The following SPEG variants were observed in gnomAD, a reference collection of about 807,000 sequenced individuals.
SPEG encodes striated muscle enriched protein kinase.
In SPEG, 114 loss-of-function variants were observed where a neutral mutation model predicts 300.4. The ratio of observed to expected loss-of-function variants is 0.38; its 90% confidence interval spans 0.33 to 0.44. The LOEUF (loss-of-function observed/expected upper bound fraction) is 0.44, where lower values mean the gene tolerates loss of function less well. Ranked by LOEUF, SPEG falls within the 20% of genes least tolerant of loss-of-function variation. The probability of loss-of-function intolerance (pLI) is 1.00; values close to 1 mark genes in which losing one functional copy is unlikely to be tolerated. For missense variants in SPEG, 4,201 were observed against 4,586.2 expected (o/e 0.92, Z 2.43); for synonymous variants, 1,964 against 2,018.9 (o/e 0.97, Z 0.73).
chr2:219,467,987 A>G (rs1691525076), intron 10 of SPEG, among the ~76,000 whole-genome samples: 1 of 152,204 alleles, frequency 6.6e-6, no homozygotes, highest in Non-Finnish European at 1.5e-5. Flanking sequence ...CCCACATGGA[A>G]GGGCAGAGAT....
intron 1 of SPEG, among the ~76,000 whole-genome samples, chr2:219,440,199 A>G (rs1307728505): frequency 6.6e-6 from 1 of 152,112 alleles, no homozygotes; most frequent in African/African-American, 2.4e-5. Flanking sequence ...CTTGTGTAAG[A>G]TAATAAGACT....
chr2:219,441,466 G>T (rs1166002063), intron 1 of SPEG: 8 of 466,668 alleles, frequency 1.7e-5, no homozygotes, highest in African/African-American at 4.0e-5. Flanking sequence ...GTTTGACCTA[G>T]GCGCCCCCAC....
At chr2:219,449,837 C>G (rs374488204) in intron 4 of SPEG, among the ~76,000 whole-genome samples, 2 of 152,158 alleles carry the variant, frequency 1.3e-5, no homozygotes, top group South Asian at 4.1e-4. Flanking sequence ...GCTTACACCC[C>G]GCATGGCTGA....
At chr2:219,466,474 G>C (rs969851211) in intron 9 of SPEG, 97 of 1,176,448 alleles carry the variant, frequency 8.2e-5, no homozygotes, top group Non-Finnish European at 8.1e-5. Flanking sequence ...AGCTGAGGTG[G>C]GGTGAGACAG....
rs1164658972 is a variant in SPEG at position 219,448,996 on chromosome 2, C to A, written c.1838C>A (p.Pro613His). The stretch of plus-strand genomic sequence containing the variant: ...CAGGAGTGCAGGAGCCCTGTGCCGC[C>A]CCCCGCCGCCGATCCCCCAGAGGCC... The part of the protein sequence containing the change: ...AIQECRSPVP[P>H]PAADPPEART... The change falls in exon 4 of 41, where the codon CCC becomes CAC. Residue 613 changes from proline (P) to histidine (H), a missense_variant. This residue lies in a region of SPEG where 1,258 missense variants were observed against 1,293.9 expected (regional missense o/e 0.97). Coordinates refer to ENST00000312358, the MANE Select transcript of SPEG (RefSeq NM_005876.5). The A allele has an allele frequency of 6.7e-7, 1 of 1,483,342 alleles. No homozygotes were observed. The highest frequency in any genetic ancestry group is 2.5e-5 in the Admixed American group (1 of 40,510). 91.9% of individuals were successfully genotyped at this position (1,483,342 alleles called of 1,614,324 possible).
At position 219,493,228 on chromosome 2, in the gene SPEG, G is replaced by C. The variant is rs967456556; in HGVS notation, c.*442G>C. ...AGGCTGGGAGTCAGTGTGGCAAAGC[G>C]GGGGCAGGACACAGATACAGTGGCA... On this transcript the variant is annotated 3_prime_UTR_variant, in exon 41 of 41. Coordinates refer to ENST00000312358, the MANE Select transcript of SPEG (RefSeq NM_005876.5). 4 of 368,438 alleles carry C rather than the reference G, an allele frequency of 1.1e-5. No homozygotes were observed. In the Admixed American group the frequency reaches 1.1e-4, roughly 10 times the overall value. 22.8% of individuals were successfully genotyped at this position (368,438 alleles called of 1,614,324 possible).
intron 31 of SPEG, 116 bp downstream of exon 31, chr2:219,485,593 G>GGTCT: frequency 9.5e-7 from 1 of 1,052,778 alleles, no homozygotes; most frequent in East Asian, 2.8e-5. Flanking sequence ...TAGTGGAAGG[G>GGTCT]GTCTGCTCAG....
chr2:219,483,850 C>G lies in SPEG; in HGVS notation c.6387C>G (p.Ser2129Arg). 1 of 1,591,272 alleles carries G rather than the reference C, an allele frequency of 6.3e-7. No homozygotes were observed. The highest frequency in any genetic ancestry group is 1.1e-5 in the South Asian group (1 of 89,792). Residue 2129 changes from serine (S) to arginine (R), a missense_variant, in exon 30 of 41, where the codon AGC (serine) becomes AGG (arginine). By Grantham distance (110) the Ser-to-Arg change is moderately radical. Coordinates refer to ENST00000312358, the MANE Select transcript of SPEG (RefSeq NM_005876.5). ...AGAACCGGGGCCTGCAAAAGAGCAG[C>G]AGCTTCTCCCAGGGTGAGGCGGAGC... ...PLENRGLQKS[S>R]SFSQGEAEPR... is the part of the protein sequence containing the mutation.
Position 219,438,900 on chromosome 2 carries a change from T to C in SPEG, c.388+3535T>C, listed in dbSNP as rs1444046839. Among the ~76,000 whole-genome samples, 8 of 152,220 alleles carry C rather than the reference T, an allele frequency of 5.3e-5. No homozygotes were observed. The East Asian group carries it at 1.5e-3, about 29-fold the overall frequency. On this transcript the variant is annotated intron_variant, in intron 1 of 40. Coordinates refer to ENST00000312358, the MANE Select transcript of SPEG (RefSeq NM_005876.5). ...AAGGGTAGAGGAATGTACCAGAACC[T>C]GTGTTGAGGAATATTCTGCAGTTAT...
rs1690427554 is a variant in SPEG at position 219,459,101 on chromosome 2, T to C, written c.2441-2781T>C. Reference sequence around the variant, plus strand: ...ACGCCAGTATTTTCATCAAATGAGTTTGACCTGAGAGTGATGTTGAAAGGG... The same window carrying C: ...ACGCCAGTATTTTCATCAAATGAGTCTGACCTGAGAGTGATGTTGAAAGGG... On this transcript the variant is annotated intron_variant, in intron 6 of 40. Coordinates refer to ENST00000312358, the MANE Select transcript of SPEG (RefSeq NM_005876.5). This position sits in a 1 kb window ranked among gnomAD's most constrained non-coding sequence, Gnocchi z 4.9. Among the ~76,000 whole-genome samples, 1 of 152,212 alleles carries C rather than the reference T, an allele frequency of 6.6e-6. No individual in the cohort carries two copies. The highest frequency in any genetic ancestry group is 2.1e-4 in the South Asian group (1 of 4,836).
chr2:219,442,206 C>G, intron 1 of SPEG: 1 of 565,496 alleles, frequency 1.8e-6, no homozygotes, highest in Non-Finnish European at 2.5e-6. Context: ...CTGCCCCACC[C>G]GAGCCCCGCC....
At chr2:219,472,049 G>C in intron 14 of SPEG, 62 bp downstream of exon 14, 1 of 1,594,404 alleles carries the variant, frequency 6.3e-7, no homozygotes. Context: ...CTACGTGGGG[G>C]CTCAGGGAAA....
At chr2:219,466,098 C>T in intron 9 of SPEG, 1 of 1,592,908 alleles carries the variant, frequency 6.3e-7, no homozygotes, top group Non-Finnish European at 8.5e-7. Context: ...CCCCGCTACC[C>T]TCCGAGCCGC....
Position 219,468,570 on chromosome 2 carries a change from C to T in SPEG, c.3143-8C>T, listed in dbSNP as rs1691587026. 6.2e-7 allele frequency: 1 copy of T among 1,610,890 alleles called. No homozygotes were observed. The highest frequency in any genetic ancestry group is 1.1e-5 in the South Asian group (1 of 90,944). On this transcript the variant is annotated splice_region_variant and splice_polypyrimidine_tract_variant and intron_variant, in intron 10 of 40. Coordinates refer to ENST00000312358, the MANE Select transcript of SPEG (RefSeq NM_005876.5). ...TTCCCTATCTCTGAGCTGCCCCCTG[C>T]CCCACAGATGAGCTGACCTGCAGTG... is the stretch of plus-strand genomic sequence containing the variant.
chr2:219,481,421 G>A lies in SPEG; in HGVS notation c.5487G>A (p.Arg1829=). The A allele has an allele frequency of 6.2e-7, 1 of 1,614,140 alleles. No homozygotes were observed. Among genetic ancestry groups the A allele is most frequent in the South Asian group, 1.1e-5 (1 of 91,082 alleles). ...TTFLSLSREA[R]GFLIKVLVQD... is the part of the protein sequence containing the mutation. ...TCCTGAGCCTGAGCAGGGAGGCCCG[G>A]GGCTTCCTCATCAAAGTGTTGGTGC... is the stretch of plus-strand genomic sequence containing the variant. The change falls in exon 27 of 41, where the codon CGG becomes CGA. Residue 1829 remains arginine, a synonymous_variant. Coordinates refer to ENST00000312358, the MANE Select transcript of SPEG (RefSeq NM_005876.5). This position sits in a 1 kb window ranked among gnomAD's most constrained non-coding sequence, Gnocchi z 5.4.
At position 219,448,287 on chromosome 2, in the gene SPEG, C is replaced by T. The variant is rs1316040292; in HGVS notation, c.1129C>T (p.Leu377=). The T allele has an allele frequency of 1.2e-6, 2 of 1,610,506 alleles. No individual in the cohort carries two copies. The highest frequency in any genetic ancestry group is 1.7e-6 in the Non-Finnish European group (2 of 1,179,050). Residue 377 remains leucine, a synonymous_variant, in exon 4 of 41, where the codon CTG becomes TTG. Transcript: ENST00000312358. ...CGCGGAATCCCGACCCCAGACGCCA[C>T]TGAGCGAGGCCTCAGGCCGCCTGTC... ...GTAESRPQTP[L]SEASGRLSAL...
intron 9 of SPEG, chr2:219,466,292 G>A: frequency 7.0e-7 from 1 of 1,422,678 alleles, no homozygotes. Context: ...TGCAGGCCAG[G>A]AGGCCCACAG....
chr2:219,484,237 CCAGGGCCCCTCG>C lies in SPEG; in HGVS notation c.6783_6794del (p.Ser2262_Pro2265del). ...AGTCCCTCCAGCTGTCAGGCCACGC[CCAGGGCCCCTCG>C]CAGGGCCCTGCCGCGCCGCCTTCAG... On this transcript the variant is annotated inframe_deletion, in exon 30 of 41. Transcript: ENST00000312358. 6.2e-7 allele frequency: 1 copy of C among 1,611,806 alleles called. No individual in the cohort carries two copies. The highest frequency in any genetic ancestry group is 1.1e-5 in the South Asian group (1 of 91,080).
In SPEG at chr2:219,489,040, C is replaced by CA. The variant is rs1693717968; in HGVS notation, c.8150-13dup. 6.2e-7 allele frequency: 1 copy of CA among 1,613,076 alleles called. No homozygotes were observed. The highest frequency in any genetic ancestry group is 1.7e-5 in the Admixed American group (1 of 59,954). On this transcript the variant is annotated splice_polypyrimidine_tract_variant and intron_variant, in intron 34 of 40. Transcript: ENST00000312358. ...GCTTCTGTGACCTCAGCCCCTCCCCCATACTGCCTATAGGGGAGTCTGTGT... is the reference window on the plus strand; with the variant it reads ...GCTTCTGTGACCTCAGCCCCTCCCCCAATACTGCCTATAGGGGAGTCTGTGT...
Sources: allele counts gnomAD v4.1 joint callset (sites outside exome capture counted in the v4.1 genomes callset), GRCh38; gene constraint gnomAD v4.1.1; regional missense constraint gnomAD v4.1.1; non-coding constraint Gnocchi (gnomAD v3.1); transcripts MANE v1.5; gene names NCBI Gene and HGNC (gene_info 2026-07-23, HGNC 2026-07-21).